The following NLRC3 variants were observed in gnomAD, a reference collection of about 807,000 sequenced individuals.
NLRC3 encodes the protein NLR family CARD domain containing 3.
Under a neutral mutation model 91.6 loss-of-function variants are expected in NLRC3, and 87 were observed. The ratio of observed to expected loss-of-function variants is 0.95; its 90% CI spans 0.80 to 1.14. The LOEUF (loss-of-function observed/expected upper bound fraction) is 1.14. Among genes scored for constraint, NLRC3 ranks in the 50% most tolerant of loss-of-function variants. The pLI, the probability that NLRC3 is intolerant of heterozygous loss-of-function variation, is 0.00. For missense variants in NLRC3, 1,577 were observed against 1,418.6 expected, an observed-to-expected ratio of 1.11 and a Z score of -1.79; for synonymous variants, 694 against 625.3, an observed-to-expected ratio of 1.11 and a Z score of -1.64.
At chr16:3,560,104 C>T (rs2039537808) in intron 6 of NLRC3, among the ~76,000 whole-genome samples, 1 of 152,058 alleles carries the variant, frequency 6.6e-6, no homozygotes, top group Admixed American at 6.6e-5. Flanking sequence ...CTTCAGAACC[C>T]AGAGGCTTGT....
chr16:3,544,375 C>T (rs1041187755), intron 15 of NLRC3, 46 bp from the exon 16 acceptor site: 1 of 1,385,202 alleles, frequency 7.2e-7, no homozygotes, highest in African/African-American at 1.4e-5. Flanking sequence ...GCACAGGGAG[C>T]ATTCTAGCAA....
chr16:3,571,471 G>A (rs2040093794), intron 1 of NLRC3, among the ~76,000 whole-genome samples: 1 of 150,394 alleles, frequency 6.6e-6, no homozygotes, highest in African/African-American at 2.4e-5. Flanking sequence ...TTGAGCTCAG[G>A]AGGCTGAGGC....
rs373816462 is a variant in NLRC3 at position 3,563,756 on chromosome 16, C to A, written c.1181G>T (p.Arg394Leu). ...PRIEQVAHGG[R>L]KMVGTLGRLA... ...ACGGCCCAATGTCCCCACCATCTTG[C>A]GGCCACCATGGGCCACCTGCTCGAT... is the stretch of plus-strand genomic sequence containing the variant. The change falls in exon 5 of 20, where the codon CGC (arginine) becomes CTC (leucine). Residue 394 changes from arginine to leucine, a missense_variant. By Grantham distance (102) the Arg-to-Leu change is moderately radical. Transcript: ENST00000359128. 6.2e-7 allele frequency: 1 copy of A among 1,613,324 alleles called. No homozygotes were observed. The highest frequency in any genetic ancestry group is 1.1e-5 in the South Asian group (1 of 91,004).
In NLRC3 at chr16:3,543,516, GGA is replaced by G. The variant is rs2038518806; in HGVS notation, c.2856-10_2856-9del. ...ATTGAGGCCACCTGGAGACTGGGGC[GGA>G]GAGGGTGCCGTCAGTGTGAGCCGGC... On this transcript the variant is annotated splice_polypyrimidine_tract_variant and intron_variant, in intron 16 of 19. Transcript: ENST00000359128. 1.9e-6 allele frequency: 3 copies of G among 1,608,594 alleles called. No individual in the cohort carries two copies. The Admixed American group carries it at 5.0e-5, about 27-fold the overall frequency.
rs747237182 is a variant in NLRC3, at chr16:3,577,202, G to A, written c.-222C>T. 5.5e-5 allele frequency: 39 copies of A among 703,022 alleles called. No individual in the cohort carries two copies. The highest frequency in any genetic ancestry group is 2.4e-4 in the South Asian group (16 of 67,604). The allele number at this position is 703,022 out of a possible 1,614,324, so 43.5% of individuals were successfully genotyped here. A position where few individuals can be genotyped will look rare whatever the true frequency, so the allele number is the denominator to read the frequency against. ...CAGCAAGACTGGGGGGCCTGGGGGC[G>A]TCCATCTCCATGCTCCTGGGCTCAG... On this transcript the variant is annotated 5_prime_UTR_variant, in exon 1 of 20. The change creates a new upstream start codon in the 5' untranslated region. Coordinates refer to ENST00000359128, the MANE Select transcript of NLRC3 (RefSeq NM_178844.4).
chr16:3,561,776 G>A lies in NLRC3; in HGVS notation c.1941C>T (p.Asn647=). ...LYCRKLRLDT[N]QFQDPVMELL... ...GCTCCATCACGGGGTCCTGGAACTGGTTGGTGTCCAGCCTGGCCAAGGGGA... is the reference window on the plus strand; with the variant it reads ...GCTCCATCACGGGGTCCTGGAACTGATTGGTGTCCAGCCTGGCCAAGGGGA... Residue 647 remains asparagine, a synonymous_variant, in exon 6 of 20, where the codon AAC becomes AAT. Transcript: ENST00000359128. 6.2e-7 allele frequency: 1 copy of A among 1,613,278 alleles called. No individual in the cohort carries two copies. Among genetic ancestry groups the A allele is most frequent in the Non-Finnish European group, 8.5e-7 (1 of 1,179,518 alleles).
intron 15 of NLRC3, 185 bp from the exon 16 acceptor site, chr16:3,544,514 G>C (rs140479314): frequency 3.2e-5 from 19 of 592,804 alleles, no homozygotes; most frequent in African/African-American, 3.0e-4. Flanking sequence ...TAAGCACACA[G>C]AGGCGTCTGG....
intron 7 of NLRC3, 70 bp from the exon 8 acceptor site, chr16:3,557,064 A>G (rs929006088): frequency 9.2e-6 from 10 of 1,083,584 alleles, no homozygotes; most frequent in Admixed American, 1.9e-5. Context: ...CAGAAACTGC[A>G]TTGACCTTGA....
In NLRC3 at chr16:3,563,941, G is replaced by A. The variant is rs937572031; in HGVS notation, c.996C>T (p.Cys332=). ...GGCCTAGCGCCATCCCCGTGAGCCT[G>A]CAGAAGGCTGGGACGGTGCACATCA... ...LYLMCTVPAF[C]RLTGMALGHL... The change falls in exon 5 of 20, where the codon TGC becomes TGT. Residue 332 remains cysteine, a synonymous_variant. Transcript: ENST00000359128. The A allele has an allele frequency of 3.8e-6, 6 of 1,594,114 alleles. No individual in the cohort carries two copies. Among genetic ancestry groups the A allele is most frequent in the Non-Finnish European group, 5.1e-6 (6 of 1,172,364 alleles).
rs767720902 is a variant in NLRC3 at position 3,544,319 on chromosome 16, TCTC to T, written c.2779_2781del (p.Glu927del). 1.5e-5 allele frequency: 24 copies of T among 1,612,296 alleles called. No individual in the cohort carries two copies. Among genetic ancestry groups the T allele is most frequent in the Non-Finnish European group, 1.7e-5 (20 of 1,178,622 alleles). ...CACGCTCCGTCATCCCCGATGGCGT[TCTC>T]CTGTAAACTAGACACAGAGTATGAC... On this transcript the variant is annotated inframe_deletion, in exon 16 of 20. Coordinates refer to ENST00000359128, the MANE Select transcript of NLRC3 (RefSeq NM_178844.4).
intron 15 of NLRC3, among the ~76,000 whole-genome samples, chr16:3,546,737 C>T (rs1467416918): frequency 1.3e-5 from 2 of 152,006 alleles, no homozygotes; most frequent in East Asian, 1.9e-4. Flanking sequence ...GGGGTGTGGA[C>T]GCGCAGGTCT....
intron 9 of NLRC3, 39 bp from the exon 10 acceptor site, chr16:3,552,318 T>G (rs2039061077): frequency 7.0e-7 from 1 of 1,423,110 alleles, no homozygotes; most frequent in East Asian, 2.3e-5. Flanking sequence ...GAAAGGCTGG[T>G]CACAGCCATT....
intron 5 of NLRC3, among the ~76,000 whole-genome samples, chr16:3,562,048 G>A (rs757205743): frequency 2.0e-5 from 3 of 152,202 alleles, no homozygotes; most frequent in Non-Finnish European, 4.4e-5. Flanking sequence ...CTGCCTCTGC[G>A]GGACACCTGG....
At chr16:3,569,313 CA>C (rs772111559) in intron 1 of NLRC3, among the ~76,000 whole-genome samples, 3,181 of 64,894 alleles carry the variant, frequency 0.049, 99 homozygotes, top group African/African-American at 0.15. Flanking sequence ...GACACCATCT[CA>C]AAAAAAAAAA....
At chr16:3,550,046 A>C (rs1480396040) in intron 11 of NLRC3, among the ~76,000 whole-genome samples, 2 of 152,154 alleles carry the variant, frequency 1.3e-5, no homozygotes, top group East Asian at 3.9e-4. Flanking sequence ...AGACAGCCTC[A>C]GAGCAGGGTG....
At position 3,564,433 on chromosome 16, in the gene NLRC3, G is replaced by A; in HGVS notation, c.504C>T (p.Gly168=). 6.2e-7 allele frequency: 1 copy of A among 1,612,766 alleles called. No homozygotes were observed. Among genetic ancestry groups the A allele is most frequent in the Non-Finnish European group, 8.5e-7 (1 of 1,179,878 alleles). Residue 168 remains glycine (G), a synonymous_variant, in exon 5 of 20, where the codon GGC becomes GGT. Coordinates refer to ENST00000359128, the MANE Select transcript of NLRC3 (RefSeq NM_178844.4). The surrounding 1 kb of genome is among the most constrained non-coding windows in gnomAD (Gnocchi z 5.9). The stretch of plus-strand genomic sequence containing the variant: ...GAGGCAGCACCAGCGAGAAGTCCTT[G>A]CCGACCTGCCCATGGGCCCAGAGGC... ...FVRLWAHGQV[G]KDFSLVLPLT...
intron 1 of NLRC3, among the ~76,000 whole-genome samples, chr16:3,572,555 T>G (rs2040135609): frequency 6.6e-6 from 1 of 152,206 alleles, no homozygotes; most frequent in Non-Finnish European, 1.5e-5. Flanking sequence ...CCCAAAGTGC[T>G]GGAATTATTG....
At chr16:3,562,436 T>C (rs918909416) in intron 5 of NLRC3, among the ~76,000 whole-genome samples, 4 of 149,926 alleles carry the variant, frequency 2.7e-5, no homozygotes, top group Non-Finnish European at 5.9e-5. Context: ...AGGTCAGGAG[T>C]TTGAGAGCAG....
At chr16:3,556,120 G>C (rs558917827) in intron 8 of NLRC3, among the ~76,000 whole-genome samples, 3 of 149,836 alleles carry the variant, frequency 2.0e-5, no homozygotes, top group Non-Finnish European at 4.4e-5. Flanking sequence ...CTTGAGTGCA[G>C]GAGCTCGAGA....
Sources: allele counts gnomAD v4.1 joint callset (sites outside exome capture counted in the v4.1 genomes callset), GRCh38; gene constraint gnomAD v4.1.1; non-coding constraint Gnocchi (gnomAD v3.1); transcripts MANE v1.5; gene names NCBI Gene and HGNC (gene_info 2026-07-23, HGNC 2026-07-21).